The following C8orf34 variants were observed in gnomAD, a reference collection of about 807,000 sequenced individuals.
C8orf34 encodes the protein uncharacterized protein C8orf34.
A neutral mutation model predicts 68.3 loss-of-function variants in C8orf34; 65 were observed. The observed-to-expected ratio is 0.95, with a 90% CI of 0.78 to 1.17. The LOEUF (loss-of-function observed/expected upper bound fraction) is 1.17, where lower values mean the gene tolerates loss of function less well. C8orf34 is among the 50% of genes most tolerant of loss of function. The pLI, the probability that C8orf34 is intolerant of heterozygous loss-of-function variation, is 0.00. For synonymous variants in C8orf34, 244 were observed against 241.2 expected (o/e 1.01, Z -0.11); for missense variants, 664 against 655.4 (o/e 1.01, Z -0.14).
At chr8:68,561,339 C>T (rs369332113) in intron 7 of C8orf34, among the ~76,000 whole-genome samples, 34 of 150,670 alleles carry the variant, frequency 2.3e-4, no homozygotes, top group African/African-American at 4.2e-4. Flanking sequence ...GAACTTAAAA[C>T]GCAAACACAT....
intron 3 of C8orf34, among the ~76,000 whole-genome samples, chr8:68,454,264 A>G (rs1055666076): frequency 6.6e-6 from 1 of 152,046 alleles, no homozygotes; most frequent in African/African-American, 2.4e-5. Context: ...TACTGGGCCA[A>G]TGCTGGCCTC....
At chr8:68,471,917 C>G (rs1251502276) in intron 4 of C8orf34, among the ~76,000 whole-genome samples, 1 of 118,488 alleles carries the variant, frequency 8.4e-6, no homozygotes, top group Non-Finnish European at 1.7e-5. Context: ...CTTTTAGAGA[C>G]TTAAATGAAC....
chr8:68,808,399 A>G (rs1483885278), intron 12 of C8orf34, among the ~76,000 whole-genome samples: 3 of 152,108 alleles, frequency 2.0e-5, no homozygotes, highest in Non-Finnish European at 4.4e-5. Flanking sequence ...TGCCAAACAT[A>G]GTATGTGCTT....
At chr8:68,733,537 A>G (rs78755878) in intron 10 of C8orf34, among the ~76,000 whole-genome samples, 1,745 of 152,282 alleles carry the variant, frequency 0.011, 32 homozygotes, top group African/African-American at 0.04. Flanking sequence ...ACATCATACA[A>G]TAACTAGCTG....
chr8:68,757,630 A>T (rs1822904368), intron 10 of C8orf34, among the ~76,000 whole-genome samples: 1 of 152,094 alleles, frequency 6.6e-6, no homozygotes, highest in Non-Finnish European at 1.5e-5. Flanking sequence ...CAAAAAAATA[A>T]ATAAATAAAT....
chr8:68,621,424 A>T (rs922940917), intron 7 of C8orf34, among the ~76,000 whole-genome samples: 1 of 152,248 alleles, frequency 6.6e-6, no homozygotes, highest in African/African-American at 2.4e-5. Flanking sequence ...AATACAACAT[A>T]GCTGTAATAA....
At position 68,630,918 on chromosome 8, in the gene C8orf34, CACAGGCATGCCCCA is replaced by C. The variant is rs933690602; in HGVS notation, c.1106-9454_1106-9441del. Among the ~76,000 whole-genome samples, 22 of 149,682 alleles carry C rather than the reference CACAGGCATGCCCCA, an allele frequency of 1.5e-4. No homozygotes were observed. The East Asian group carries it at 1.8e-3, about 12-fold the overall frequency. Reference sequence around the variant, plus strand: ...CCTCAGCCTCCTGAGTAGCTGGGACCACAGGCATGCCCCAACATGCCCAGCTATTTTTTTTTTTT... The same window carrying C: ...CCTCAGCCTCCTGAGTAGCTGGGACCACATGCCCAGCTATTTTTTTTTTTT... On this transcript the variant is annotated intron_variant, in intron 7 of 13. Coordinates refer to ENST00000518698, the MANE Select transcript of C8orf34 (RefSeq NM_052958.4).
At chr8:68,614,574 G>T (rs1452371539) in intron 7 of C8orf34, among the ~76,000 whole-genome samples, 8 of 152,072 alleles carry the variant, frequency 5.3e-5, no homozygotes, top group Admixed American at 3.9e-4. Flanking sequence ...GTTTTTCTCA[G>T]GTTTGTCAAA....
At chr8:68,556,615 C>T (rs1396736697) in intron 7 of C8orf34, among the ~76,000 whole-genome samples, 2 of 152,072 alleles carry the variant, frequency 1.3e-5, no homozygotes, top group South Asian at 4.2e-4. Context: ...GATAAAGAGC[C>T]GAGGGCACCT....
intron 5 of C8orf34, among the ~76,000 whole-genome samples, chr8:68,509,099 C>T (rs1260876343): frequency 6.6e-6 from 1 of 152,148 alleles, no homozygotes; most frequent in East Asian, 1.9e-4. Flanking sequence ...TAAAGAAGTA[C>T]ATCTAACTGC....
At chr8:68,677,601 C>T (rs571447995) in intron 8 of C8orf34, among the ~76,000 whole-genome samples, 1 of 121,504 alleles carries the variant, frequency 8.2e-6, no homozygotes, top group Non-Finnish European at 1.7e-5. Context: ...AAGAGATCCA[C>T]CTGCCTTGCC....
chr8:68,758,309 ATTGT>A (rs1822924800), intron 10 of C8orf34, among the ~76,000 whole-genome samples: 1 of 152,172 alleles, frequency 6.6e-6, no homozygotes, highest in Admixed American at 6.5e-5. Context: ...CTCATGTGGA[ATTGT>A]TTATTTTGTT....
intron 12 of C8orf34, among the ~76,000 whole-genome samples, chr8:68,789,181 T>TA (rs950354432): frequency 2.6e-5 from 4 of 152,110 alleles, no homozygotes; most frequent in South Asian, 2.1e-4. Context: ...AATTTCATGT[T>TA]AAAAAAAACC....
At chr8:68,534,864 T>C (rs1815396538) in intron 7 of C8orf34, 1 of 985,244 alleles carries the variant, frequency 1.0e-6, no homozygotes, top group African/African-American at 1.7e-5. Context: ...AGACCGAGGA[T>C]TGAGTCTTGG....
chr8:68,662,478 G>T (rs1308756915), intron 8 of C8orf34, among the ~76,000 whole-genome samples: 1 of 152,118 alleles, frequency 6.6e-6, no homozygotes, highest in Non-Finnish European at 1.5e-5. Context: ...CATGGGGGAA[G>T]TTTCCCCCAT....
chr8:68,811,157 C>T (rs1018904673), intron 12 of C8orf34, among the ~76,000 whole-genome samples: 1 of 152,216 alleles, frequency 6.6e-6, no homozygotes, highest in Non-Finnish European at 1.5e-5. Flanking sequence ...CCGTGCTTGT[C>T]GGTGCTCAAA....
chr8:68,480,220 C>G (rs974249315), intron 4 of C8orf34, among the ~76,000 whole-genome samples: 1 of 152,134 alleles, frequency 6.6e-6, no homozygotes, highest in Non-Finnish European at 1.5e-5. Context: ...GTGAATAAGT[C>G]TCACAAGATC....
At chr8:68,627,610 A>G (rs750461391) in intron 7 of C8orf34, among the ~76,000 whole-genome samples, 61 of 152,212 alleles carry the variant, frequency 4.0e-4, no homozygotes, top group Non-Finnish European at 8.1e-4. Flanking sequence ...AATAATAAAG[A>G]TGCACTCTGA....
chr8:68,618,355 C>A (rs906051111), intron 7 of C8orf34, among the ~76,000 whole-genome samples: 6 of 151,930 alleles, frequency 3.9e-5, no homozygotes, highest in African/African-American at 1.5e-4. Flanking sequence ...GGTTGAACAT[C>A]TTATTATTAT....
Sources: allele counts gnomAD v4.1 joint callset (sites outside exome capture counted in the v4.1 genomes callset), GRCh38; gene constraint gnomAD v4.1.1; transcripts MANE v1.5; gene names NCBI Gene and HGNC (gene_info 2026-07-23, HGNC 2026-07-21).